MGLL: variants seen among roughly 807,000 people sequenced by gnomAD.
MGLL encodes monoglyceride lipase.
MGLL carries 7 observed loss-of-function variants against 29.1 expected under a neutral mutation model. That is an observed-to-expected ratio of 0.24 (90% confidence interval 0.14 to 0.45). The LOEUF is 0.45. MGLL is among the 20% of genes least tolerant of loss of function. The pLI, the probability that MGLL is intolerant of heterozygous loss-of-function variation, is 0.99. For synonymous variants in MGLL, 148 were observed against 168.3 expected (o/e 0.88, Z 0.93); for missense variants, 356 against 413.6 (o/e 0.86, Z 1.21).
chr3:127,692,449 G>A, intron 7 of MGLL, 126 bp from the exon 8 acceptor site: 1 of 1,189,012 alleles, frequency 8.4e-7, no homozygotes, highest in Non-Finnish European at 1.2e-6. Flanking sequence ...CCGAGGACCT[G>A]GCCCTGACCT....
Position 127,732,284 on chromosome 3 carries a change from C to G in MGLL, c.263-9718G>C, listed in dbSNP as rs1023467298. On this transcript the variant is annotated intron_variant, in intron 3 of 7. Coordinates refer to ENST00000265052, the MANE Select transcript of MGLL (RefSeq NM_007283.7). Reference sequence around the variant, plus strand: ...AAAGCACTTTTCCCAGAGTTTGTTTCATTTGTTCCCCACAAGCTTGTGAGG... The same window carrying G: ...AAAGCACTTTTCCCAGAGTTTGTTTGATTTGTTCCCCACAAGCTTGTGAGG... Among the ~76,000 whole-genome samples, 19 of 152,202 alleles carry G rather than the reference C, an allele frequency of 1.2e-4. No homozygotes were observed. The East Asian group carries it at 3.7e-3, about 29-fold the overall frequency.
rs7640849 is a variant in MGLL, at chr3:127,752,886, C to G, written c.262+28903G>C. ...TCAGGTAGAGTTTTCCTGCTTTAAT[C>G]TAAAGTGAATGTGCACTGAAGTGGC... On this transcript the variant is annotated intron_variant, in intron 3 of 7. Coordinates refer to ENST00000265052, the MANE Select transcript of MGLL (RefSeq NM_007283.7). Among the ~76,000 whole-genome samples, 1,399 of 152,262 alleles carry G rather than the reference C, an allele frequency of 9.2e-3. 30 individuals are homozygous for G. Among genetic ancestry groups the G allele is most frequent in the African/African-American group, 0.032 (1,313 of 41,540 alleles).
At chr3:127,698,340 T>C (rs939765750) in intron 6 of MGLL, among the ~76,000 whole-genome samples, 1 of 152,190 alleles carries the variant, frequency 6.6e-6, no homozygotes, top group African/African-American at 2.4e-5. Context: ...CCTTGATTTT[T>C]TGACAGCTTA....
intron 5 of MGLL, among the ~76,000 whole-genome samples, chr3:127,715,065 G>A (rs947594039): frequency 3.9e-5 from 6 of 152,216 alleles, no homozygotes; most frequent in South Asian, 4.1e-4. Flanking sequence ...ATTCATGTGC[G>A]TGGTGAAGTC....
At chr3:127,814,662 A>T (rs1345094255) in intron 2 of MGLL, among the ~76,000 whole-genome samples, 1 of 152,248 alleles carries the variant, frequency 6.6e-6, no homozygotes, top group African/African-American at 2.4e-5. Flanking sequence ...TTGTATCAGC[A>T]GAACATTCTT....
intron 1 of MGLL, chr3:127,822,070 GT>G: frequency 1.1e-5 from 7 of 649,854 alleles, no homozygotes; most frequent in South Asian, 2.2e-5. Context: ...CCTCATTACA[GT>G]TTTTCCCCCT....
intron 6 of MGLL, among the ~76,000 whole-genome samples, chr3:127,709,292 C>T (rs895371976): frequency 2.0e-5 from 3 of 152,144 alleles, no homozygotes; most frequent in Non-Finnish European, 4.4e-5. Flanking sequence ...CTTTAAAAAC[C>T]AAATTATATT....
chr3:127,721,507 GTTTTTTTTT>G (rs55892315), intron 4 of MGLL, among the ~76,000 whole-genome samples: 1 of 94,816 alleles, frequency 1.1e-5, no homozygotes, highest in Non-Finnish European at 2.0e-5. Flanking sequence ...TAATAGGAGG[GTTTTTTTTT>G]TTTTTTTTTT....
chr3:127,763,967 C>A (rs913652166), intron 3 of MGLL, among the ~76,000 whole-genome samples: 4 of 152,190 alleles, frequency 2.6e-5, no homozygotes, highest in African/African-American at 4.8e-5. Context: ...AAGCAAGAGG[C>A]TCCACCTCCA....
chr3:127,701,017 C>A (rs1450301475), intron 6 of MGLL, among the ~76,000 whole-genome samples: 1 of 152,002 alleles, frequency 6.6e-6, no homozygotes, highest in Admixed American at 6.5e-5. Context: ...GAATTCAGAA[C>A]CAGCCTGGGC....
intron 6 of MGLL, among the ~76,000 whole-genome samples, chr3:127,705,776 C>CA (rs36125403): frequency 0.43 from 47,949 of 112,070 alleles, 9,030 homozygotes; most frequent in Middle Eastern, 0.62. Flanking sequence ...AACTCCATCT[C>CA]AAAAAAAAAA....
At chr3:127,799,061 T>C (rs1393331404) in intron 2 of MGLL, among the ~76,000 whole-genome samples, 6 of 152,056 alleles carry the variant, frequency 3.9e-5, no homozygotes, top group African/African-American at 1.4e-4. Flanking sequence ...TGTCCCTGAG[T>C]CCATGGACTC....
At chr3:127,699,753 T>C (rs577152548) in intron 6 of MGLL, among the ~76,000 whole-genome samples, 14 of 152,282 alleles carry the variant, frequency 9.2e-5, no homozygotes, top group African/African-American at 3.4e-4. Flanking sequence ...ACTAGTGCTC[T>C]CAGAAAAGGC....
intron 2 of MGLL, among the ~76,000 whole-genome samples, chr3:127,818,882 A>G (rs2077808423): frequency 6.6e-6 from 1 of 152,242 alleles, no homozygotes; most frequent in East Asian, 1.9e-4. Context: ...AGACCCTAGA[A>G]CATACCTGGC....
At chr3:127,804,441 C>T (rs893265095) in intron 2 of MGLL, among the ~76,000 whole-genome samples, 5 of 152,232 alleles carry the variant, frequency 3.3e-5, no homozygotes, top group Non-Finnish European at 7.3e-5. Context: ...GTAGGACTCC[C>T]CACTCCTGCC....
intron 2 of MGLL, among the ~76,000 whole-genome samples, chr3:127,789,270 G>A (rs2077263193): frequency 6.6e-6 from 1 of 152,200 alleles, no homozygotes; most frequent in Non-Finnish European, 1.5e-5. Flanking sequence ...ATCCCCTGTG[G>A]GCTCAGCTTC....
At chr3:127,694,855 G>T in intron 7 of MGLL, 120 bp downstream of exon 7, 1 of 908,158 alleles carries the variant, frequency 1.1e-6, no homozygotes, top group Non-Finnish European at 1.8e-6. Flanking sequence ...AAGCAGGCTG[G>T]TCCCTATCCT....
intron 3 of MGLL, among the ~76,000 whole-genome samples, chr3:127,747,651 C>A (rs75921565): frequency 2.0e-5 from 3 of 152,196 alleles, no homozygotes; most frequent in Non-Finnish European, 2.9e-5. Context: ...TCCAGCCCAA[C>A]GCAAATGGGC....
At chr3:127,744,376 C>T (rs150976397) in intron 3 of MGLL, among the ~76,000 whole-genome samples, 30 of 152,262 alleles carry the variant, frequency 2.0e-4, no homozygotes, top group Middle Eastern at 3.4e-3. Context: ...TTTCAGAAAG[C>T]GGTAAGTGGC....
Sources: allele counts gnomAD v4.1 joint callset (sites outside exome capture counted in the v4.1 genomes callset), GRCh38; gene constraint gnomAD v4.1.1; transcripts MANE v1.5; gene names NCBI Gene and HGNC (gene_info 2026-07-23, HGNC 2026-07-21).